Variants in GNAQ observed in about 807,000 individuals in gnomAD.
GNAQ encodes the protein G protein subunit alpha q.
Under a neutral mutation model 43.9 loss-of-function variants are expected in GNAQ, and 8 were observed. That is an observed-to-expected ratio of 0.18 (90% CI 0.11 to 0.33). The LOEUF (loss-of-function observed/expected upper bound fraction) is 0.33, where lower values mean the gene tolerates loss of function less well. GNAQ is among the 10% of genes least tolerant of loss of function. The pLI, the probability that GNAQ is intolerant of heterozygous loss-of-function variation, is 1.00. For synonymous variants in GNAQ, 155 were observed against 170.7 expected (o/e 0.91, Z 0.71); for missense variants, 158 against 450.8 (o/e 0.35, Z 5.88).
At chr9:77,728,322 T>G (rs1311741078) in intron 6 of GNAQ, among the ~76,000 whole-genome samples, 192 bp downstream of exon 6, 1 of 152,208 alleles carries the variant, frequency 6.6e-6, no homozygotes, top group East Asian at 1.9e-4. Flanking sequence ...ACTTTTAGCA[T>G]TGTTAAGGAA....
intron 1 of GNAQ, among the ~76,000 whole-genome samples, chr9:77,970,272 ACTC>A (rs1473797385): frequency 6.6e-6 from 1 of 151,680 alleles, no homozygotes; most frequent in Non-Finnish European, 1.5e-5. Flanking sequence ...TGAGTCACAA[ACTC>A]CTCCTCTCTA....
rs367858356 is a variant in GNAQ at position 77,772,143 on chromosome 9, A to G, written c.735+22320T>C. Among the ~76,000 whole-genome samples, 39 of 152,344 alleles carry G rather than the reference A, an allele frequency of 2.6e-4. 3 individuals are homozygous for G. The highest frequency in any genetic ancestry group is 9.4e-4 in the African/African-American group (39 of 41,580). On this transcript the variant is annotated intron_variant, in intron 5 of 6. Transcript: ENST00000286548. ...ACCCATATTAACAACTATGTTTTAT[A>G]TTGTACCTAGTCCCCCAACCCACAC... is the stretch of plus-strand genomic sequence containing the variant.
At chr9:77,896,241 T>G (rs546679642) in intron 2 of GNAQ, among the ~76,000 whole-genome samples, 2 of 152,292 alleles carry the variant, frequency 1.3e-5, no homozygotes, top group South Asian at 4.1e-4. Context: ...GTGAATTACT[T>G]AATAAACTTC....
rs139946177 is a variant in GNAQ at position 77,754,315 on chromosome 9, G to C, written c.736-25648C>G. Among the ~76,000 whole-genome samples the C allele has an allele frequency of 1.4e-3, 219 of 152,290 alleles. 2 individuals carry two copies. The highest frequency in any genetic ancestry group is 3.9e-3 in the African/African-American group (164 of 41,572). Reference sequence around the variant, plus strand: ...CCTGAGTGGGCCAGGGGCTTCTTAAGAACAGGGGCAATACCCTGTTCACTA... The same window carrying C: ...CCTGAGTGGGCCAGGGGCTTCTTAACAACAGGGGCAATACCCTGTTCACTA... On this transcript the variant is annotated intron_variant, in intron 5 of 6. Coordinates refer to ENST00000286548, the MANE Select transcript of GNAQ (RefSeq NM_002072.5).
intron 5 of GNAQ, among the ~76,000 whole-genome samples, chr9:77,761,354 C>T (rs1193200479): frequency 6.6e-5 from 9 of 136,144 alleles, no homozygotes; most frequent in South Asian, 2.4e-4. Context: ...GCCAGCCGCC[C>T]CGTCCGGGAG....
intron 5 of GNAQ, among the ~76,000 whole-genome samples, chr9:77,784,024 G>A (rs980275862): frequency 8.5e-5 from 13 of 152,118 alleles, no homozygotes; most frequent in Non-Finnish European, 1.5e-4. Flanking sequence ...GAAGAAATAC[G>A]TAAGTTTACA....
chr9:77,762,885 AGAT>A (rs1332856804), intron 5 of GNAQ, among the ~76,000 whole-genome samples: 1 of 152,054 alleles, frequency 6.6e-6, no homozygotes, highest in African/African-American at 2.4e-5. Context: ...TTTGTTAAAC[AGAT>A]GCTTGAAGGC....
At chr9:77,803,473 A>T (rs1826779715) in intron 3 of GNAQ, among the ~76,000 whole-genome samples, 2 of 152,192 alleles carry the variant, frequency 1.3e-5, no homozygotes, top group Non-Finnish European at 2.9e-5. Context: ...TGATGGAAAA[A>T]AGGTTTTTGA....
At chr9:77,765,161 T>TA (rs996863964) in intron 5 of GNAQ, among the ~76,000 whole-genome samples, 36 of 149,622 alleles carry the variant, frequency 2.4e-4, no homozygotes, top group African/African-American at 4.2e-4. Flanking sequence ...AGAACTTATT[T>TA]AAAAAAAAAA....
chr9:77,721,992 A>C (rs1337962835), intron 6 of GNAQ, among the ~76,000 whole-genome samples: 1 of 152,212 alleles, frequency 6.6e-6, no homozygotes, highest in East Asian at 1.9e-4. Context: ...CATCTCTCTT[A>C]GAACACCTGT....
chr9:77,767,434 G>A (rs961505451), intron 5 of GNAQ, among the ~76,000 whole-genome samples: 4 of 152,078 alleles, frequency 2.6e-5, no homozygotes, highest in Admixed American at 2.6e-4. Flanking sequence ...ATACCATGTG[G>A]GTGGGCAGTC....
intron 5 of GNAQ, among the ~76,000 whole-genome samples, chr9:77,753,351 C>T (rs962399182): frequency 2.6e-5 from 4 of 152,150 alleles, no homozygotes; most frequent in Non-Finnish European, 5.9e-5. Flanking sequence ...TATGAAATAG[C>T]TGCAGAAGGC....
intron 2 of GNAQ, among the ~76,000 whole-genome samples, chr9:77,821,112 C>G (rs571746594): frequency 6.6e-6 from 1 of 152,122 alleles, no homozygotes; most frequent in Admixed American, 6.5e-5. Context: ...TGCCACATAT[C>G]CTTTCATTAA....
rs1387509178 is a variant in GNAQ at position 77,884,752 on chromosome 9, T to C, written c.321+37409A>G. 2.0e-5 allele frequency among the ~76,000 whole-genome samples: 3 copies of C among 152,186 alleles called. No individual in the cohort carries two copies. The East Asian group carries it at 5.8e-4, about 29-fold the overall frequency. On this transcript the variant is annotated intron_variant, in intron 2 of 6. Transcript: ENST00000286548. ...TACACCCATCTACCCCATCATAGTC[T>C]AAGTTTCAATCAGCATTCCCTTAAC...
chr9:77,849,000 A>C (rs1433441135), intron 2 of GNAQ, among the ~76,000 whole-genome samples: 1 of 152,206 alleles, frequency 6.6e-6, no homozygotes, highest in Admixed American at 6.5e-5. Context: ...TAGCAAGAAG[A>C]AAAATGTGTG....
intron 2 of GNAQ, among the ~76,000 whole-genome samples, chr9:77,906,876 T>C (rs1194442300): frequency 3.3e-5 from 5 of 152,226 alleles, no homozygotes; most frequent in African/African-American, 9.6e-5. Flanking sequence ...ACAGTGAACC[T>C]ACATTTGTAT....
intron 1 of GNAQ, among the ~76,000 whole-genome samples, chr9:77,941,033 G>A (rs774060317): frequency 2.0e-5 from 3 of 151,884 alleles, no homozygotes; most frequent in African/African-American, 7.3e-5. Flanking sequence ...GGAAAAAAAA[G>A]TAACAACTAA....
At chr9:77,725,081 CT>C (rs574605787) in intron 6 of GNAQ, among the ~76,000 whole-genome samples, 13 of 148,570 alleles carry the variant, frequency 8.8e-5, no homozygotes, top group South Asian at 4.3e-4. Flanking sequence ...GGGACTATAC[CT>C]TTTTTTTTTC....
intron 3 of GNAQ, among the ~76,000 whole-genome samples, chr9:77,813,655 A>T (rs1165783303): frequency 1.3e-5 from 2 of 152,170 alleles, no homozygotes; most frequent in Non-Finnish European, 2.9e-5. Context: ...CAGAGGGTCT[A>T]TCCCAGGAGG....
Sources: gnomAD v4.1 joint callset for allele counts (sites outside exome capture counted in the v4.1 genomes callset) on GRCh38, gnomAD v4.1.1 for gene constraint, MANE v1.5 for transcripts, NCBI Gene and HGNC (gene_info 2026-07-23, HGNC 2026-07-21) for gene names.